The following GATAD2B variants were observed in gnomAD, a reference collection of about 807,000 sequenced individuals.
The protein encoded by GATAD2B is transcriptional repressor p66-beta.
Under a neutral mutation model 64.3 loss-of-function variants are expected in GATAD2B, and 8 were observed. The ratio of observed to expected loss-of-function variants is 0.12; its 90% confidence interval spans 0.07 to 0.22. The LOEUF (loss-of-function observed/expected upper bound fraction) is 0.22, where lower values mean the gene tolerates loss of function less well. Ranked by LOEUF, GATAD2B falls within the 10% of genes least tolerant of loss-of-function variation. The pLI is 1.00. For missense variants in GATAD2B, 453 were observed against 752.0 expected (o/e 0.60, Z 4.65); for synonymous variants, 281 against 271.3 (o/e 1.04, Z -0.35).
chr1:153,904,435 A>T (rs752989784), intron 1 of GATAD2B, among the ~76,000 whole-genome samples: 8 of 152,160 alleles, frequency 5.3e-5, no homozygotes, highest in Admixed American at 2.6e-4. Flanking sequence ...TCTATATCTT[A>T]ATTTTTTAAA....
intron 1 of GATAD2B, among the ~76,000 whole-genome samples, chr1:153,902,773 G>A (rs1419545769): frequency 6.6e-6 from 1 of 152,094 alleles, no homozygotes; most frequent in Non-Finnish European, 1.5e-5. Context: ...TTTAATACAT[G>A]TAGTCTTTAG....
At chr1:153,866,118 C>T (rs577027413) in intron 1 of GATAD2B, among the ~76,000 whole-genome samples, 6 of 149,766 alleles carry the variant, frequency 4.0e-5, no homozygotes, top group Non-Finnish European at 8.9e-5. Flanking sequence ...GCAGAACAAT[C>T]GCTTGAACTT....
chr1:153,819,711 A>T lies in GATAD2B; in HGVS notation c.360T>A (p.Thr120=), dbSNP rs1674609562. Residue 120 remains threonine, a synonymous_variant, in exon 3 of 11, where the codon ACT becomes ACA. Transcript: ENST00000368655. ...RRSEPERGRL[T]PSPDIIVLSD... ...ACAAAACAATGATGTCTGGTGAGGG[A>T]GTTAGCCTTCCTCGCTCTGGCTCAC... 1 of 1,610,268 alleles carries T rather than the reference A, an allele frequency of 6.2e-7. No individual in the cohort carries two copies. Among genetic ancestry groups the T allele is most frequent in the Admixed American group, 1.7e-5 (1 of 59,518 alleles).
Position 153,847,629 on chromosome 1 carries a change from A to AT in GATAD2B, c.-1-19282dup, listed in dbSNP as rs962495822. 2.4e-3 allele frequency among the ~76,000 whole-genome samples: 362 copies of AT among 148,772 alleles called. 4 individuals are homozygous for AT. Among genetic ancestry groups the AT allele is most frequent in the African/African-American group, 7.7e-3 (314 of 40,628 alleles). ...TAGTGTTATTCTTTCAGGATTCACT[A>AT]TTTTTTTTTTCCTTGAAGATTCATA... On this transcript the variant is annotated intron_variant, in intron 1 of 10. Transcript: ENST00000368655.
At chr1:153,909,328 C>T (rs1678047777) in intron 1 of GATAD2B, among the ~76,000 whole-genome samples, 1 of 152,034 alleles carries the variant, frequency 6.6e-6, no homozygotes. Context: ...ATTCTCCTGC[C>T]TCAGCCTCCC....
chr1:153,888,431 G>C (rs1270243338), intron 1 of GATAD2B, among the ~76,000 whole-genome samples: 1 of 152,156 alleles, frequency 6.6e-6, no homozygotes, highest in Non-Finnish European at 1.5e-5. Context: ...TCCTGTATCA[G>C]CAGCATGCTA....
At position 153,900,123 on chromosome 1, in the gene GATAD2B, C is replaced by CA. The variant is rs568601932; in HGVS notation, c.-2+22609_-2+22610insT. Among the ~76,000 whole-genome samples, 167 of 151,108 alleles carry CA rather than the reference C, an allele frequency of 1.1e-3. 1 individual carries two copies. The highest frequency in any genetic ancestry group is 3.4e-3 in the Middle Eastern group (1 of 294). On this transcript the variant is annotated intron_variant, in intron 1 of 10. Coordinates refer to ENST00000368655, the MANE Select transcript of GATAD2B (RefSeq NM_020699.4). ...CATATATATATTCTATTAAAAATTT[C>CA]TTTTTTTTTACTGGGCGCAGTGAGT... is the stretch of plus-strand genomic sequence containing the variant.
rs1327490359 is a variant in GATAD2B, at chr1:153,878,974, T to C, written c.-2+43759A>G. 2.6e-5 allele frequency among the ~76,000 whole-genome samples: 4 copies of C among 151,802 alleles called. No homozygotes were observed. The South Asian group carries it at 6.3e-4, about 24-fold the overall frequency. ...TTTTTTTCTTGAGACAGTCTTGCTCTGTCGCCCAGGCTGAAAGTGCAGTGG... is the reference window on the plus strand; with the variant it reads ...TTTTTTTCTTGAGACAGTCTTGCTCCGTCGCCCAGGCTGAAAGTGCAGTGG... On this transcript the variant is annotated intron_variant, in intron 1 of 10. Transcript: ENST00000368655.
intron 1 of GATAD2B, among the ~76,000 whole-genome samples, chr1:153,920,157 G>A (rs1372390838): frequency 1.3e-5 from 2 of 152,222 alleles, no homozygotes; most frequent in African/African-American, 4.8e-5. Context: ...GGGGAGGAAA[G>A]GAAGAAGAAT....
At chr1:153,852,997 C>G (rs1675956819) in intron 1 of GATAD2B, 2 of 1,083,212 alleles carry the variant, frequency 1.8e-6, no homozygotes, top group Non-Finnish European at 2.9e-6. Context: ...AGTCACTACC[C>G]CTTTGGTCTT....
At chr1:153,840,026 CTT>C (rs779722872) in intron 1 of GATAD2B, among the ~76,000 whole-genome samples, 6,105 of 96,990 alleles carry the variant, frequency 0.063, 40 homozygotes, top group South Asian at 0.12. Context: ...AAAATACTTT[CTT>C]TTTTTTTTTT....
intron 1 of GATAD2B, among the ~76,000 whole-genome samples, chr1:153,833,301 T>C (rs1203410359): frequency 1.3e-5 from 2 of 152,234 alleles, no homozygotes; most frequent in Admixed American, 6.5e-5. Flanking sequence ...ACAGCACATC[T>C]GTTTACAGTA....
chr1:153,817,914 G>T, intron 5 of GATAD2B, 126 bp downstream of exon 5: 1 of 787,158 alleles, frequency 1.3e-6, no homozygotes, highest in Non-Finnish European at 2.0e-6. Flanking sequence ...TGGGCCAACA[G>T]AACAATCAGT....
At chr1:153,844,178 A>G (rs1437117981) in intron 1 of GATAD2B, among the ~76,000 whole-genome samples, 1 of 152,180 alleles carries the variant, frequency 6.6e-6, no homozygotes, top group Non-Finnish European at 1.5e-5. Context: ...AGTGCTGATC[A>G]GCACATGTGA....
intron 1 of GATAD2B, among the ~76,000 whole-genome samples, chr1:153,834,850 GATCCCAGCACTGTA>G (rs1675214037): frequency 6.6e-6 from 1 of 152,030 alleles, no homozygotes; most frequent in Admixed American, 6.6e-5. Flanking sequence ...GCACAGCTGG[GATCCCAGCACTGTA>G]ATCCCAGCAC....
chr1:153,811,861 G>A lies in GATAD2B; in HGVS notation c.1531-13C>T, dbSNP rs1222545917. On this transcript the variant is annotated splice_polypyrimidine_tract_variant and intron_variant, in intron 9 of 10. Transcript: ENST00000368655. ...GGGGCTGTGGAGCCTGCAATGATGA[G>A]GAGACAGTGGATACAACTTTGATAT... is the stretch of plus-strand genomic sequence containing the variant. 6.5e-7 allele frequency: 1 copy of A among 1,527,916 alleles called. No homozygotes were observed. The highest frequency in any genetic ancestry group is 9.0e-7 in the Non-Finnish European group (1 of 1,106,570). 94.6% of individuals were successfully genotyped at this position (1,527,916 alleles called of 1,614,324 possible).
At chr1:153,859,923 T>C (rs1570966808) in intron 1 of GATAD2B, among the ~76,000 whole-genome samples, 2 of 135,632 alleles carry the variant, frequency 1.5e-5, no homozygotes, top group African/African-American at 5.6e-5. Context: ...TTTTTTTTTT[T>C]TTTTTTTTTT....
intron 1 of GATAD2B, among the ~76,000 whole-genome samples, chr1:153,915,150 G>C (rs1678224595): frequency 2.0e-5 from 3 of 152,234 alleles, no homozygotes. Flanking sequence ...TTGAACCCGG[G>C]AGGCGGTGGC....
chr1:153,916,213 G>A (rs1678259877), intron 1 of GATAD2B, among the ~76,000 whole-genome samples: 1 of 151,642 alleles, frequency 6.6e-6, no homozygotes, highest in Non-Finnish European at 1.5e-5. Flanking sequence ...CCCAGGAGGT[G>A]GAGGTTGCAG....
Sources: gnomAD v4.1 joint callset for allele counts (sites outside exome capture counted in the v4.1 genomes callset) on GRCh38, gnomAD v4.1.1 for gene constraint, MANE v1.5 for transcripts, NCBI Gene and HGNC (gene_info 2026-07-23, HGNC 2026-07-21) for gene names.